FARP2: variants seen among roughly 807,000 people sequenced by gnomAD.
The protein encoded by FARP2 is FERM, ARHGEF and pleckstrin domain-containing protein 2.
Under a neutral mutation model 130.5 loss-of-function variants are expected in FARP2, and 111 were observed. The ratio of observed to expected loss-of-function variants is 0.85; its 90% CI spans 0.73 to 1.00. The LOEUF is 1.00. FARP2 is among the 50% of genes least tolerant of loss of function. The probability of loss-of-function intolerance (pLI) is 0.00; values close to 1 mark genes in which losing one functional copy is unlikely to be tolerated. For synonymous variants in FARP2, 504 were observed against 516.9 expected (o/e 0.98, Z 0.34); for missense variants, 1,385 against 1,346.3 (o/e 1.03, Z -0.45).
At chr2:241,378,108 T>C (rs1487765400) in intron 2 of FARP2, among the ~76,000 whole-genome samples, 1 of 151,780 alleles carries the variant, frequency 6.6e-6, no homozygotes, top group Non-Finnish European at 1.5e-5. Context: ...TTTATTTTAT[T>C]ATTTTTTTTT....
chr2:241,485,383 T>C (rs1308443814), intron 21 of FARP2, among the ~76,000 whole-genome samples: 2 of 144,190 alleles, frequency 1.4e-5, no homozygotes, highest in Non-Finnish European at 3.0e-5. Context: ...CTCTGGCATC[T>C]TCCCTCCCTG....
chr2:241,393,354 T>C (rs984838033), intron 2 of FARP2, among the ~76,000 whole-genome samples: 26 of 152,072 alleles, frequency 1.7e-4, no homozygotes, highest in African/African-American at 5.8e-4. Flanking sequence ...GGAGTAGAAG[T>C]TTGGTGTACA....
Position 241,491,616 on chromosome 2 carries a change from A to G in FARP2, c.2724A>G (p.Thr908=). The part of the protein sequence containing the change: ...EGHGQHRANT[T]MHVCWYRNTS... ...ATGGCCAGCACCGGGCCAACACCAC[A>G]ATGCACGTGTGCTGGTACCGGAACA... Residue 908 remains threonine, a synonymous_variant, in exon 24 of 27, where the codon ACA becomes ACG. Coordinates refer to ENST00000264042, the MANE Select transcript of FARP2 (RefSeq NM_014808.4). 2 of 1,613,730 alleles carry G rather than the reference A, an allele frequency of 1.2e-6. No homozygotes were observed. The highest frequency in any genetic ancestry group is 1.1e-5 in the South Asian group (1 of 91,088).
rs367657345 is a variant in FARP2 at position 241,441,325 on chromosome 2, T to C, written c.1180T>C (p.Leu394=). The C allele has an allele frequency of 6.0e-5, 97 of 1,606,396 alleles. No homozygotes were observed. The African/African-American group carries it at 1.0e-3, about 17-fold the overall frequency. The part of the protein sequence containing the change: ...PKQSISFPEG[L]RTPASPSSAN... ...CCAGAGCATCTCATTCCCCGAGGGA[T>C]TGAGGACTCCTGCCTCCCCATCTTC... Residue 394 remains leucine (L), a synonymous_variant, in exon 13 of 27, where the codon TTG becomes CTG. Coordinates refer to ENST00000264042, the MANE Select transcript of FARP2 (RefSeq NM_014808.4).
chr2:241,437,609 G>A lies in FARP2; in HGVS notation c.1158+1071G>A, dbSNP rs1040794072. ...GCCTCCCAAGTAGCTGTGATTACAG[G>A]CACATACCATCATGCCTCGCTGACA... On this transcript the variant is annotated intron_variant, in intron 12 of 26. Coordinates refer to ENST00000264042, the MANE Select transcript of FARP2 (RefSeq NM_014808.4). 5.3e-5 allele frequency among the ~76,000 whole-genome samples: 8 copies of A among 151,020 alleles called. No individual in the cohort carries two copies. In the Admixed American group the frequency reaches 5.3e-4, roughly 10 times the overall value.
chr2:241,373,250 T>C lies in FARP2; in HGVS notation c.143T>C (p.Val48Ala). 6.5e-7 allele frequency: 1 copy of C among 1,535,278 alleles called. No homozygotes were observed. The highest frequency in any genetic ancestry group is 8.8e-7 in the Non-Finnish European group (1 of 1,134,394). ...CAAGAGAAGCACCTGCACCTCAGAG[T>C]AAAGCTGCTGGACAACACCATGGAA... ...RMQEKHLHLR[V>A]KLLDNTMEIF... Residue 48 changes from valine to alanine, a missense_variant, in exon 2 of 27, where the codon GTA becomes GCA. Val to Ala is a moderately conservative substitution (Grantham distance 64). Coordinates refer to ENST00000264042, the MANE Select transcript of FARP2 (RefSeq NM_014808.4).
At chr2:241,456,249 T>C (rs1315755789) in intron 13 of FARP2, among the ~76,000 whole-genome samples, 1 of 152,198 alleles carries the variant, frequency 6.6e-6, no homozygotes, top group Non-Finnish European at 1.5e-5. Flanking sequence ...TGAGCAGTTT[T>C]ATATGATCCG....
chr2:241,481,861 C>T (rs369436578), intron 19 of FARP2, among the ~76,000 whole-genome samples: 37 of 152,320 alleles, frequency 2.4e-4, no homozygotes, highest in African/African-American at 8.2e-4. Flanking sequence ...GGGCAGGCTG[C>T]GCCCCCTCTC....
intron 13 of FARP2, chr2:241,444,223 T>G (rs1425413998): frequency 1.3e-5 from 2 of 152,264 alleles, no homozygotes; most frequent in Non-Finnish European, 2.9e-5. Context: ...CAAATACCTG[T>G]GAAAATGTTA....
chr2:241,420,765 C>G (rs2062786230), intron 8 of FARP2, among the ~76,000 whole-genome samples: 1 of 152,134 alleles, frequency 6.6e-6, no homozygotes, highest in South Asian at 2.1e-4. Flanking sequence ...GCCCCACATG[C>G]AACAATAGGA....
At chr2:241,403,141 G>T (rs1340010794) in intron 2 of FARP2, among the ~76,000 whole-genome samples, 1 of 150,808 alleles carries the variant, frequency 6.6e-6, no homozygotes, top group African/African-American at 2.4e-5. Context: ...TGTAATTTCC[G>T]ATTGACCAAA....
chr2:241,437,257 A>G (rs1049342263), intron 12 of FARP2, among the ~76,000 whole-genome samples: 9 of 152,246 alleles, frequency 5.9e-5, no homozygotes, highest in African/African-American at 2.2e-4. Flanking sequence ...AACTATATCA[A>G]AACAAAGATA....
chr2:241,367,213 G>A (rs1313917610), intron 1 of FARP2, among the ~76,000 whole-genome samples: 2 of 152,144 alleles, frequency 1.3e-5, no homozygotes, highest in Admixed American at 1.3e-4. Flanking sequence ...GGCCAAGCGT[G>A]GTTTCTGTGA....
intron 1 of FARP2, among the ~76,000 whole-genome samples, chr2:241,360,025 C>G (rs1575442642): frequency 6.6e-6 from 1 of 152,160 alleles, no homozygotes; most frequent in East Asian, 1.9e-4. Flanking sequence ...CTGTCTCCCT[C>G]CAGCTGCCAA....
intron 9 of FARP2, among the ~76,000 whole-genome samples, chr2:241,433,900 C>G (rs973164387): frequency 1.1e-4 from 16 of 152,108 alleles, no homozygotes; most frequent in Admixed American, 1.0e-3. Flanking sequence ...GTGTTGTGAG[C>G]CTGTAGTCCC....
intron 13 of FARP2, 89 bp from the exon 14 acceptor site, chr2:241,456,658 T>G: frequency 7.6e-7 from 1 of 1,323,342 alleles, no homozygotes; most frequent in Non-Finnish European, 1.1e-6. Context: ...GGCTGGCGGT[T>G]GAATGGTCAG....
chr2:241,442,314 C>G, intron 13 of FARP2: 1 of 456,744 alleles, frequency 2.2e-6, no homozygotes, highest in Non-Finnish European at 4.4e-6. Flanking sequence ...CTGACATCAT[C>G]GACCAGTTAG....
intron 13 of FARP2, among the ~76,000 whole-genome samples, chr2:241,452,635 T>TA (rs796439122): frequency 0.01 from 1,454 of 143,376 alleles, 23 homozygotes; most frequent in African/African-American, 0.034. Flanking sequence ...TCCCATCCAT[T>TA]AAAAAAAAAA....
chr2:241,491,279 C>A (rs2064896954), intron 23 of FARP2, 100 bp downstream of exon 23: 1 of 934,810 alleles, frequency 1.1e-6, no homozygotes, highest in African/African-American at 1.6e-5. Context: ...GCTAAGTTCC[C>A]ACACAATCCC....
Sources: allele counts gnomAD v4.1 joint callset (sites outside exome capture counted in the v4.1 genomes callset), GRCh38; gene constraint gnomAD v4.1.1; transcripts MANE v1.5; gene names NCBI Gene and HGNC (gene_info 2026-07-23, HGNC 2026-07-21).